Variants in GRID2 observed in about 807,000 individuals in gnomAD.
The protein encoded by GRID2 is glutamate ionotropic receptor delta type subunit 2, also known as glutamate receptor ionotropic, delta-2.
A neutral mutation model predicts 114.8 loss-of-function variants in GRID2; 33 were observed. The ratio of observed to expected loss-of-function variants is 0.29; its 90% CI spans 0.22 to 0.38. The LOEUF (loss-of-function observed/expected upper bound fraction) is 0.38, where lower values mean the gene tolerates loss of function less well. GRID2 is among the 10% of genes least tolerant of loss of function. The pLI is 1.00. For missense variants in GRID2, 1,184 were observed against 1,257.7 expected (o/e 0.94, Z 0.89); for synonymous variants, 505 against 449.9 (o/e 1.12, Z -1.55).
intron 1 of GRID2, among the ~76,000 whole-genome samples, chr4:92,449,379 AT>A (rs1000384381): frequency 6.6e-6 from 1 of 152,056 alleles, no homozygotes; most frequent in Non-Finnish European, 1.5e-5. Flanking sequence ...TTTGTATAAA[AT>A]ATGATAGTTG....
Position 92,500,374 on chromosome 4 carries a change from A to T in GRID2, c.89-89757A>T, listed in dbSNP as rs148272611. Among the ~76,000 whole-genome samples, 1,138 of 152,018 alleles carry T rather than the reference A, an allele frequency of 7.5e-3. 11 individuals are homozygous for T. Among genetic ancestry groups the T allele is most frequent in the African/African-American group, 0.025 (1,039 of 41,442 alleles). ...CTTCTGTTCTCAGTCTATCTACAAAAGTTAAATTCTTTTAAAAAAAAACAT... is the reference window on the plus strand; with the variant it reads ...CTTCTGTTCTCAGTCTATCTACAAATGTTAAATTCTTTTAAAAAAAAACAT... On this transcript the variant is annotated intron_variant, in intron 1 of 15. Transcript: ENST00000282020.
At chr4:93,447,230 G>A (rs1580110668) in intron 10 of GRID2, among the ~76,000 whole-genome samples, 2 of 151,892 alleles carry the variant, frequency 1.3e-5, no homozygotes, top group South Asian at 4.1e-4. Flanking sequence ...TTACAGAAAC[G>A]TGTTCATCTT....
chr4:92,871,438 A>C (rs1745272411), intron 2 of GRID2, among the ~76,000 whole-genome samples: 1 of 152,110 alleles, frequency 6.6e-6, no homozygotes, highest in African/African-American at 2.4e-5. Flanking sequence ...CCCTAACATG[A>C]TGCAATTATT....
At chr4:92,870,996 AT>A (rs1745232651) in intron 2 of GRID2, among the ~76,000 whole-genome samples, 1 of 151,950 alleles carries the variant, frequency 6.6e-6, no homozygotes, top group Admixed American at 6.6e-5. Flanking sequence ...TCTTCTAAAC[AT>A]TTTTTTCATT....
chr4:93,345,988 G>T (rs953289914), intron 8 of GRID2, among the ~76,000 whole-genome samples: 1 of 151,862 alleles, frequency 6.6e-6, no homozygotes, highest in Non-Finnish European at 1.5e-5. Context: ...TATTTCTTCT[G>T]ACCCCTTAGT....
chr4:93,264,462 CT>C (rs1750579040), intron 8 of GRID2, among the ~76,000 whole-genome samples: 1 of 151,780 alleles, frequency 6.6e-6, no homozygotes. Context: ...TCAATGTAAG[CT>C]TTCCAGCAAA....
intron 2 of GRID2, among the ~76,000 whole-genome samples, chr4:92,861,048 C>A (rs752438813): frequency 1.1e-4 from 16 of 152,004 alleles, no homozygotes; most frequent in Non-Finnish European, 1.9e-4. Flanking sequence ...ATCAATCCTT[C>A]CTTACTTATT....
chr4:92,949,924 T>C (rs146496376), intron 2 of GRID2, among the ~76,000 whole-genome samples: 1 of 152,180 alleles, frequency 6.6e-6, no homozygotes, highest in African/African-American at 2.4e-5. Context: ...GAACCTGCAA[T>C]TGGCCATCTC....
intron 13 of GRID2, among the ~76,000 whole-genome samples, chr4:93,620,019 T>C (rs939319307): frequency 6.6e-6 from 1 of 152,186 alleles, no homozygotes; most frequent in Non-Finnish European, 1.5e-5. Flanking sequence ...GATCTCACAT[T>C]CCAAATCTAC....
Position 93,504,556 on chromosome 4 carries a change from A to T in GRID2, c.1998-10660A>T, listed in dbSNP as rs184130066. On this transcript the variant is annotated intron_variant, in intron 12 of 15. Coordinates refer to ENST00000282020, the MANE Select transcript of GRID2 (RefSeq NM_001510.4). ...GTGATTAGAAGTACGATGAAGTTTA[A>T]TAGGGACGAATATGTGATAATCACT... 4.5e-4 allele frequency among the ~76,000 whole-genome samples: 69 copies of T among 152,192 alleles called. No homozygotes were observed. The East Asian group carries it at 6.8e-3, about 15-fold the overall frequency.
chr4:92,719,106 C>A (rs1735688190), intron 2 of GRID2, among the ~76,000 whole-genome samples: 1 of 151,986 alleles, frequency 6.6e-6, no homozygotes, highest in Admixed American at 6.6e-5. Flanking sequence ...CCTGTCTCAG[C>A]CACCCAAGTA....
chr4:93,688,359 C>T (rs1726259580), intron 14 of GRID2, among the ~76,000 whole-genome samples: 1 of 151,788 alleles, frequency 6.6e-6, no homozygotes, highest in African/African-American at 2.4e-5. Context: ...CTACTTGATG[C>T]TTGCTAGAAT....
At chr4:92,452,950 G>A (rs944422126) in intron 1 of GRID2, among the ~76,000 whole-genome samples, 16 of 149,760 alleles carry the variant, frequency 1.1e-4, no homozygotes, top group Admixed American at 4.0e-4. Flanking sequence ...ACAGGTGTGT[G>A]TGTGTGTGTG....
chr4:93,200,427 G>A (rs556659645), intron 4 of GRID2, among the ~76,000 whole-genome samples: 26 of 151,914 alleles, frequency 1.7e-4, no homozygotes, highest in Non-Finnish European at 3.2e-4. Context: ...TTAGCCGGGC[G>A]TGGTAGCGGG....
rs7670932 is a variant in GRID2, at chr4:93,404,114, C to T, written c.1347+8406C>T. ...TTGAAAGCATGCTAAGGGAAAGAAG[C>T]CAGACACAGAGGATCATGTATTATA... On this transcript the variant is annotated intron_variant, in intron 9 of 15. Coordinates refer to ENST00000282020, the MANE Select transcript of GRID2 (RefSeq NM_001510.4). 6.8e-3 allele frequency among the ~76,000 whole-genome samples: 1,038 copies of T among 152,128 alleles called. 10 individuals carry two copies. The highest frequency in any genetic ancestry group is 0.023 in the African/African-American group (961 of 41,512).
chr4:93,527,420 A>G (rs922883869), intron 13 of GRID2, among the ~76,000 whole-genome samples: 1 of 152,144 alleles, frequency 6.6e-6, no homozygotes, highest in African/African-American at 2.4e-5. Flanking sequence ...GGAAATAAAT[A>G]TATTACAGTA....
intron 1 of GRID2, among the ~76,000 whole-genome samples, chr4:92,440,217 A>T (rs1732968127): frequency 6.8e-6 from 1 of 146,096 alleles, no homozygotes; most frequent in African/African-American, 2.4e-5. Flanking sequence ...AAGACGGAGG[A>T]CCTTAAGGGA....
chr4:93,218,283 T>C (rs1476731484), intron 6 of GRID2, among the ~76,000 whole-genome samples: 2 of 151,898 alleles, frequency 1.3e-5, no homozygotes, highest in African/African-American at 4.8e-5. Context: ...GAGAATCACT[T>C]GAACCCAGAA....
Position 93,774,117 on chromosome 4 carries a change from G to GA in GRID2, c.*1620dup, listed in dbSNP as rs1734284287. The GA allele has an allele frequency of 6.6e-6, 1 of 152,046 alleles. No homozygotes were observed. The highest frequency in any genetic ancestry group is 1.5e-5 in the Non-Finnish European group (1 of 67,946). The allele number at this position is 152,046 out of a possible 1,614,324, so 9.4% of individuals were successfully genotyped here. A position where few individuals can be genotyped will look rare whatever the true frequency, so the allele number is the denominator to read the frequency against. On this transcript the variant is annotated 3_prime_UTR_variant, in exon 16 of 16. Transcript: ENST00000282020. ...GAGAAATTAAAAGGTATATTCTTAA[G>GA]ATATATTATATTTTGATGCTAATTC...
Sources: allele counts gnomAD v4.1 joint callset (sites outside exome capture counted in the v4.1 genomes callset), GRCh38; gene constraint gnomAD v4.1.1; transcripts MANE v1.5; gene names NCBI Gene and HGNC (gene_info 2026-07-23, HGNC 2026-07-21).